Variants in KIF26B observed in about 807,000 individuals in gnomAD.
KIF26B encodes kinesin family member 26B.
Under a neutral mutation model 151.2 loss-of-function variants are expected in KIF26B, and 63 were observed. That is an observed-to-expected ratio of 0.42 (90% CI 0.34 to 0.51). The LOEUF is 0.51. KIF26B is among the 20% of genes least tolerant of loss of function. The pLI is 0.07. For synonymous variants in KIF26B, 1,357 were observed against 1,262.1 expected, an observed-to-expected ratio of 1.08 and a Z score of -1.59; for missense variants, 2,813 against 2,913.6, an observed-to-expected ratio of 0.97 and a Z score of 0.79.
At chr1:245,685,293 G>A (rs1558269390) in intron 11 of KIF26B, 112 bp from the exon 12 acceptor site, 2 of 892,154 alleles carry the variant, frequency 2.2e-6, no homozygotes, top group Non-Finnish European at 3.4e-6. Context: ...CAACGGGGGT[G>A]GCTGTCAGTA....
intron 2 of KIF26B, among the ~76,000 whole-genome samples, chr1:245,228,897 C>A (rs974516069): frequency 2.6e-5 from 4 of 152,094 alleles, no homozygotes; most frequent in African/African-American, 9.7e-5. Context: ...TAATCGTAGC[C>A]TGATGGCTTT....
At chr1:245,603,761 T>C (rs1468868058) in intron 6 of KIF26B, among the ~76,000 whole-genome samples, 1 of 152,224 alleles carries the variant, frequency 6.6e-6, no homozygotes, top group Non-Finnish European at 1.5e-5. Flanking sequence ...TGGATTCTAC[T>C]GGCCCAGCTT....
rs564787227 is a variant in KIF26B, at chr1:245,702,265, T to TAAAG, written c.6179-191_6179-188dup. 3.4e-4 allele frequency among the ~76,000 whole-genome samples: 52 copies of TAAAG among 152,186 alleles called. No homozygotes were observed. The highest frequency in any genetic ancestry group is 1.3e-3 in the African/African-American group (52 of 41,508). Reference sequence around the variant, plus strand: ...AAAACCTTAAGGATCTAAATACTGGTAAAGAGTGTTCCTTTCAACCCAAAA... The same window carrying TAAAG: ...AAAACCTTAAGGATCTAAATACTGGTAAAGAAAGAGTGTTCCTTTCAACCCAAAA... On this transcript the variant is annotated intron_variant, in intron 14 of 14. Transcript: ENST00000407071. This position sits in a 1 kb window ranked among gnomAD's most constrained non-coding sequence, Gnocchi z 4.1.
rs181263888 is a variant in KIF26B, at chr1:245,286,747, T to C, written c.466-80087T>C. Among the ~76,000 whole-genome samples, 346 of 152,306 alleles carry C rather than the reference T, an allele frequency of 2.3e-3. 3 individuals are homozygous for C. The highest frequency in any genetic ancestry group is 8.0e-3 in the African/African-American group (333 of 41,566). On this transcript the variant is annotated intron_variant, in intron 2 of 14. Transcript: ENST00000407071. ...AATTAATGAAAGATTCCTCACTTTA[T>C]AAAAGGAGTTGGTGCAAGGTAAATT... is the stretch of plus-strand genomic sequence containing the variant.
intron 3 of KIF26B, among the ~76,000 whole-genome samples, chr1:245,381,948 T>C (rs956277112): frequency 6.6e-6 from 1 of 152,246 alleles, no homozygotes; most frequent in Non-Finnish European, 1.5e-5. Flanking sequence ...TGTATGTATA[T>C]ACCACATTTT....
intron 12 of KIF26B, among the ~76,000 whole-genome samples, chr1:245,689,758 A>T (rs1445145410): frequency 1.3e-5 from 2 of 152,148 alleles, no homozygotes; most frequent in Non-Finnish European, 2.9e-5. Context: ...AGGTTTTACC[A>T]TGTTGACCAG....
At chr1:245,454,953 A>T (rs1375258223) in intron 4 of KIF26B, among the ~76,000 whole-genome samples, 1 of 152,206 alleles carries the variant, frequency 6.6e-6, no homozygotes, top group Non-Finnish European at 1.5e-5. Flanking sequence ...TTTGGGACAA[A>T]TGTTTGAGCT....
rs189247603 is a variant in KIF26B, at chr1:245,325,723, A to G, written c.466-41111A>G. On this transcript the variant is annotated intron_variant, in intron 2 of 14. Coordinates refer to ENST00000407071, the MANE Select transcript of KIF26B (RefSeq NM_018012.4). ...TGAGACTCCATTTAAAAAAAAAAGG[A>G]AAAAAAAAGAATCCATTTCATCCAG... 2.6e-4 allele frequency among the ~76,000 whole-genome samples: 40 copies of G among 151,270 alleles called. No individual in the cohort carries two copies. In the East Asian group the frequency reaches 7.2e-3, roughly 27 times the overall value.
chr1:245,619,384 G>A (rs1374760630), intron 9 of KIF26B, among the ~76,000 whole-genome samples: 3 of 152,256 alleles, frequency 2.0e-5, no homozygotes, highest in African/African-American at 4.8e-5. Context: ...GACCTCAGGT[G>A]ATCCACCCAC....
At chr1:245,659,066 CA>C (rs915536412) in intron 10 of KIF26B, among the ~76,000 whole-genome samples, 5 of 147,494 alleles carry the variant, frequency 3.4e-5, no homozygotes, top group African/African-American at 7.5e-5. Flanking sequence ...TCCATCTGTA[CA>C]AAAAAAAAAT....
chr1:245,463,638 C>T (rs941214729), intron 4 of KIF26B, among the ~76,000 whole-genome samples: 6 of 152,282 alleles, frequency 3.9e-5, no homozygotes, highest in East Asian at 1.9e-4. Context: ...ACTTGTCCCA[C>T]GACTGGTGAG....
At chr1:245,559,447 C>G (rs1434776086) in intron 5 of KIF26B, among the ~76,000 whole-genome samples, 1 of 152,042 alleles carries the variant, frequency 6.6e-6, no homozygotes, top group Non-Finnish European at 1.5e-5. Context: ...GAGTCTTGCT[C>G]TGTCGCCCAC....
At chr1:245,176,632 T>A (rs1668814011) in intron 2 of KIF26B, among the ~76,000 whole-genome samples, 1 of 152,144 alleles carries the variant, frequency 6.6e-6, no homozygotes, top group Non-Finnish European at 1.5e-5. Context: ...TTCAGCACTT[T>A]CATACCCAGT....
intron 5 of KIF26B, among the ~76,000 whole-genome samples, chr1:245,541,483 G>A (rs967437477): frequency 4.6e-5 from 7 of 152,176 alleles, no homozygotes; most frequent in Non-Finnish European, 5.9e-5. Context: ...ATGTAGGATC[G>A]TGCTTACAAG....
chr1:245,207,029 C>T (rs1342476003), intron 2 of KIF26B, among the ~76,000 whole-genome samples: 1 of 152,126 alleles, frequency 6.6e-6, no homozygotes, highest in Non-Finnish European at 1.5e-5. Flanking sequence ...ACGATTTCGG[C>T]TTAGGGTCCT....
intron 2 of KIF26B, among the ~76,000 whole-genome samples, chr1:245,260,013 A>C (rs957309874): frequency 7.3e-5 from 11 of 151,314 alleles, no homozygotes; most frequent in Non-Finnish European, 1.5e-4. Context: ...GGCATAGCAT[A>C]GTGGGACAGG....
chr1:245,342,042 C>A (rs1672343975), intron 2 of KIF26B, among the ~76,000 whole-genome samples: 1 of 152,226 alleles, frequency 6.6e-6, no homozygotes, highest in African/African-American at 2.4e-5. Context: ...TCCTCTTGAA[C>A]CGTAAACCAG....
chr1:245,189,991 G>A (rs965672173), intron 2 of KIF26B, among the ~76,000 whole-genome samples: 1 of 152,096 alleles, frequency 6.6e-6, no homozygotes, highest in Non-Finnish European at 1.5e-5. Context: ...AGAACAGTAT[G>A]GGGGGAAACC....
At chr1:245,593,160 A>G (rs2043306732) in intron 5 of KIF26B, among the ~76,000 whole-genome samples, 1 of 152,024 alleles carries the variant, frequency 6.6e-6, no homozygotes, top group Non-Finnish European at 1.5e-5. Flanking sequence ...CTTTTATAAA[A>G]CCTGGGTTTG....
Sources: allele counts gnomAD v4.1 joint callset (sites outside exome capture counted in the v4.1 genomes callset), GRCh38; gene constraint gnomAD v4.1.1; non-coding constraint Gnocchi (gnomAD v3.1); transcripts MANE v1.5; gene names NCBI Gene and HGNC (gene_info 2026-07-23, HGNC 2026-07-21).